The following KIF26B variants were observed in gnomAD, a reference collection of about 807,000 sequenced individuals.
KIF26B encodes kinesin-like protein KIF26B.
KIF26B carries 63 observed loss-of-function variants against 151.2 expected under a neutral mutation model. The observed-to-expected ratio is 0.42, with a 90% CI of 0.34 to 0.51. KIF26B has a LOEUF of 0.51. KIF26B is among the 20% of genes least tolerant of loss of function. The pLI, the probability that KIF26B is intolerant of heterozygous loss-of-function variation, is 0.07. For missense variants in KIF26B, 2,813 were observed against 2,913.6 expected, an observed-to-expected ratio of 0.97 and a Z score of 0.79; for synonymous variants, 1,357 against 1,262.1, an observed-to-expected ratio of 1.08 and a Z score of -1.59.
At chr1:245,315,869 G>A (rs1671763454) in intron 2 of KIF26B, among the ~76,000 whole-genome samples, 1 of 152,138 alleles carries the variant, frequency 6.6e-6, no homozygotes, top group Non-Finnish European at 1.5e-5. Context: ...TGCAGCCTGG[G>A]CAACAGATGA....
chr1:245,503,029 T>C (rs1660654630), intron 4 of KIF26B, among the ~76,000 whole-genome samples: 1 of 151,960 alleles, frequency 6.6e-6, no homozygotes, highest in South Asian at 2.1e-4. Flanking sequence ...CCCGGCTAAT[T>C]TTGTATTTTT....
In KIF26B at chr1:245,676,652, TTCA is replaced by T. The variant is rs200166979; in HGVS notation, c.2259-7578_2259-7576del. Among the ~76,000 whole-genome samples, 126 of 152,320 alleles carry T rather than the reference TTCA, an allele frequency of 8.3e-4. No individual in the cohort carries two copies. In the East Asian group the frequency reaches 0.016, roughly 20 times the overall value. The stretch of plus-strand genomic sequence containing the variant: ...TCCAATAGATTCATGTGGCCCAAAT[TTCA>T]TCCAGACTTCATCCTCCTCTGTGTA... On this transcript the variant is annotated intron_variant, in intron 10 of 14. Transcript: ENST00000407071.
intron 9 of KIF26B, among the ~76,000 whole-genome samples, chr1:245,639,383 G>C (rs1208676157): frequency 6.6e-6 from 1 of 151,486 alleles, no homozygotes; most frequent in Non-Finnish European, 1.5e-5. Flanking sequence ...CTAACTGAAG[G>C]TTTTAAAATT....
chr1:245,307,773 C>T (rs903270587), intron 2 of KIF26B, among the ~76,000 whole-genome samples: 1 of 146,882 alleles, frequency 6.8e-6, no homozygotes, highest in African/African-American at 2.6e-5. Context: ...CGGAGTCTCG[C>T]TCTGTCGCCC....
intron 4 of KIF26B, among the ~76,000 whole-genome samples, chr1:245,474,702 C>T (rs1259308473): frequency 5.9e-5 from 9 of 151,708 alleles, no homozygotes; most frequent in Non-Finnish European, 4.4e-5. Context: ...CGTGAGCCAC[C>T]GCACGCAGCC....
chr1:245,501,191 C>A (rs1346190696), intron 4 of KIF26B, among the ~76,000 whole-genome samples: 1 of 152,216 alleles, frequency 6.6e-6, no homozygotes, highest in African/African-American at 2.4e-5. Flanking sequence ...GACACTGCAA[C>A]CAGGCCACCT....
chr1:245,535,484 G>C (rs1238603303), intron 4 of KIF26B, among the ~76,000 whole-genome samples: 3 of 152,156 alleles, frequency 2.0e-5, no homozygotes, highest in Non-Finnish European at 2.9e-5. Context: ...TAGAGTCCAG[G>C]AGTCATTGCA....
chr1:245,674,440 C>T (rs1033221595), intron 10 of KIF26B, among the ~76,000 whole-genome samples: 4 of 151,842 alleles, frequency 2.6e-5, no homozygotes, highest in African/African-American at 7.3e-5. Context: ...TATTAAAGAA[C>T]AGTCTGCATG....
At chr1:245,695,101 G>T (rs2044674190) in intron 12 of KIF26B, among the ~76,000 whole-genome samples, 2 of 152,190 alleles carry the variant, frequency 1.3e-5, no homozygotes, top group Non-Finnish European at 2.9e-5. Context: ...GGGGATCCCT[G>T]GCAGAGACCG....
intron 4 of KIF26B, among the ~76,000 whole-genome samples, chr1:245,452,652 G>A (rs1337807382): frequency 6.6e-6 from 1 of 151,864 alleles, no homozygotes; most frequent in African/African-American, 2.4e-5. Flanking sequence ...TTAGATATGA[G>A]GTGGTATGTC....
chr1:245,177,221 G>A (rs549658488), intron 2 of KIF26B, among the ~76,000 whole-genome samples: 6 of 152,290 alleles, frequency 3.9e-5, no homozygotes, highest in African/African-American at 1.4e-4. Flanking sequence ...AAAGTGCTGG[G>A]ATTATAGGTA....
At chr1:245,377,851 T>C (rs1673314806) in intron 3 of KIF26B, among the ~76,000 whole-genome samples, 1 of 152,020 alleles carries the variant, frequency 6.6e-6, no homozygotes, top group African/African-American at 2.4e-5. Flanking sequence ...ACGGGCCAAG[T>C]CGAGAGAGGG....
chr1:245,473,651 T>C (rs1042704807), intron 4 of KIF26B, among the ~76,000 whole-genome samples: 2 of 151,978 alleles, frequency 1.3e-5, no homozygotes, highest in African/African-American at 4.8e-5. Context: ...ATGATCTTGG[T>C]ATATAGCTCT....
intron 10 of KIF26B, among the ~76,000 whole-genome samples, chr1:245,681,426 T>G (rs549246734): frequency 1.5e-4 from 23 of 152,212 alleles, no homozygotes; most frequent in South Asian, 1.2e-3. Flanking sequence ...AGCCAGGATG[T>G]TCTTGATCTC....
chr1:245,261,490 TCTCTCTCTCTCTCCCTCC>T (rs1443391677), intron 2 of KIF26B, among the ~76,000 whole-genome samples: 35 of 118,966 alleles, frequency 2.9e-4, no homozygotes, highest in African/African-American at 9.4e-4. Context: ...TCTCTCTCTC[TCTCTCTCTCTCTCCCTCC>T]CTCCCTCCCT....
chr1:245,272,432 C>T (rs1000762899), intron 2 of KIF26B, among the ~76,000 whole-genome samples: 1 of 152,040 alleles, frequency 6.6e-6, no homozygotes, highest in Non-Finnish European at 1.5e-5. Context: ...AAAAACAGAT[C>T]ATTAATTTTG....
intron 4 of KIF26B, among the ~76,000 whole-genome samples, chr1:245,514,166 G>A (rs551515433): frequency 6.6e-6 from 1 of 152,292 alleles, no homozygotes; most frequent in East Asian, 1.9e-4. Flanking sequence ...ATTCCACAAT[G>A]TGTACATATT....
In KIF26B at chr1:245,698,797, TG is replaced by T; in HGVS notation, c.6028-89del. On this transcript the variant is annotated intron_variant, in intron 13 of 14. Transcript: ENST00000407071. The surrounding 1 kb of genome is among the most constrained non-coding windows in gnomAD (Gnocchi z 4.0). ...CTCCCACACGTCTCCAAGCCCAGCC[TG>T]TTTTCCATCAACGATACTCACAGGT... The T allele has an allele frequency of 6.7e-7, 1 of 1,493,764 alleles. No homozygotes were observed. Among genetic ancestry groups the T allele is most frequent in the Non-Finnish European group, 9.1e-7 (1 of 1,103,708 alleles). The allele number at this position is 1,493,764 out of a possible 1,614,324, so 92.5% of individuals were successfully genotyped here.
At chr1:245,545,536 C>G (rs986372604) in intron 5 of KIF26B, among the ~76,000 whole-genome samples, 15 of 152,118 alleles carry the variant, frequency 9.9e-5, no homozygotes, top group Admixed American at 3.9e-4. Context: ...TCCAGTCAGT[C>G]TTAGAAAGCT....
Sources: allele counts gnomAD v4.1 joint callset (sites outside exome capture counted in the v4.1 genomes callset), GRCh38; gene constraint gnomAD v4.1.1; non-coding constraint Gnocchi (gnomAD v3.1); transcripts MANE v1.5; gene names NCBI Gene and HGNC (gene_info 2026-07-23, HGNC 2026-07-21).